SERINC5: variants seen among roughly 807,000 people sequenced by gnomAD.
The protein encoded by SERINC5 is serine incorporator 5, also known as chromosome 5 open reading frame 12.
In SERINC5, 41 loss-of-function variants were observed where a neutral mutation model predicts 63.1. The ratio of observed to expected loss-of-function variants is 0.65; its 90% CI spans 0.51 to 0.84. SERINC5 has a LOEUF of 0.84. SERINC5 is among the 40% of genes least tolerant of loss of function. SERINC5 has a pLI of 0.00. For synonymous variants in SERINC5, 222 were observed against 215.2 expected, an observed-to-expected ratio of 1.03 and a Z score of -0.28; for missense variants, 523 against 573.0, an observed-to-expected ratio of 0.91 and a Z score of 0.89.
intron 1 of SERINC5, among the ~76,000 whole-genome samples, chr5:80,240,736 C>T (rs1420392725): frequency 6.6e-6 from 1 of 152,200 alleles, no homozygotes; most frequent in Non-Finnish European, 1.5e-5. Flanking sequence ...AAGATCATGG[C>T]TCACTGCAGT....
chr5:80,171,907 GGAAA>G (rs1282086621), intron 5 of SERINC5, among the ~76,000 whole-genome samples: 1 of 151,010 alleles, frequency 6.6e-6, no homozygotes, highest in Non-Finnish European at 1.5e-5. Flanking sequence ...AAAAAAGAAA[GGAAA>G]GAAAGAAAAA....
intron 9 of SERINC5, 82 bp downstream of exon 9, chr5:80,150,800 G>A (rs1457606332): frequency 4.2e-6 from 4 of 960,496 alleles, no homozygotes; most frequent in Admixed American, 1.7e-5. Flanking sequence ...AATGCAGACT[G>A]ATAAAGACAC....
chr5:80,255,749 A>T, intron 1 of SERINC5, 147 bp downstream of exon 1: 4 of 575,960 alleles, frequency 6.9e-6, no homozygotes, highest in African/African-American at 2.0e-5. Context: ...CGGACGGCTG[A>T]GCGCCGCGGG....
intron 1 of SERINC5, among the ~76,000 whole-genome samples, chr5:80,204,377 A>C (rs908986573): frequency 1.3e-5 from 2 of 152,158 alleles, no homozygotes; most frequent in Non-Finnish European, 2.9e-5. Context: ...GAATTGAATT[A>C]AATTGTGGGA....
Position 80,173,825 on chromosome 5 carries a change from C to A in SERINC5, c.551+1129G>T, listed in dbSNP as rs188819254. 2.9e-3 allele frequency among the ~76,000 whole-genome samples: 446 copies of A among 152,172 alleles called. 3 individuals are homozygous for A. The highest frequency in any genetic ancestry group is 0.01 in the African/African-American group (431 of 41,512). Reference sequence around the variant, plus strand: ...CCTTTTCACCTTTCTGCACTTAAAACAGATTATATTCCTCCCTTTTTAAGG... The same window carrying A: ...CCTTTTCACCTTTCTGCACTTAAAAAAGATTATATTCCTCCCTTTTTAAGG... On this transcript the variant is annotated intron_variant, in intron 5 of 11. Transcript: ENST00000507668.
chr5:80,141,854 T>TG lies in SERINC5; in HGVS notation c.*1808dup, dbSNP rs1337049146. On this transcript the variant is annotated 3_prime_UTR_variant, in exon 12 of 12. Coordinates refer to ENST00000507668, the MANE Select transcript of SERINC5 (RefSeq NM_001174072.3). ...AGGCTCTCTAAACCACACACACAGA[T>TG]GGAGTGCCTTTTGAAACTGAATCTC... 1.0e-6 allele frequency: 1 copy of TG among 985,264 alleles called. No individual in the cohort carries two copies. Among genetic ancestry groups the TG allele is most frequent in the Non-Finnish European group, 1.2e-6 (1 of 829,868 alleles). The allele number at this position is 985,264 out of a possible 1,614,324, so 61.0% of individuals were successfully genotyped here.
At chr5:80,254,570 C>T (rs1353022260) in intron 1 of SERINC5, among the ~76,000 whole-genome samples, 1 of 152,166 alleles carries the variant, frequency 6.6e-6, no homozygotes, top group Admixed American at 6.6e-5. Context: ...AAAAGTGTCG[C>T]ATCATATTGG....
chr5:80,220,892 C>T (rs779150851), intron 1 of SERINC5, among the ~76,000 whole-genome samples: 3 of 151,990 alleles, frequency 2.0e-5, no homozygotes, highest in South Asian at 2.1e-4. Flanking sequence ...TTGGGAGGAG[C>T]GTGGATGTAT....
chr5:80,181,337 C>T (rs533022765), intron 2 of SERINC5, among the ~76,000 whole-genome samples: 1 of 152,112 alleles, frequency 6.6e-6, no homozygotes, highest in Non-Finnish European at 1.5e-5. Context: ...ACCGTCGCCT[C>T]CAGGGCTCAA....
At chr5:80,200,325 A>AAAT in intron 2 of SERINC5, among the ~76,000 whole-genome samples, 1 of 150,280 alleles carries the variant, frequency 6.7e-6, no homozygotes, top group Middle Eastern at 3.4e-3. Flanking sequence ...AAAAATACAA[A>AAAT]AAAAAAAAAA....
Position 80,140,858 on chromosome 5 carries a change from T to C in SERINC5, c.*2805A>G. On this transcript the variant is annotated 3_prime_UTR_variant, in exon 12 of 12. Transcript: ENST00000507668. ...GTCCTCTTCAACTGTCATCCCTAAA[T>C]GTGTCTGACCAGCAGCTTCTGGGAA... 1 of 985,412 alleles carries C rather than the reference T, an allele frequency of 1.0e-6. No homozygotes were observed. The highest frequency in any genetic ancestry group is 1.2e-6 in the Non-Finnish European group (1 of 829,936). The allele number at this position is 985,412 out of a possible 1,614,324, so 61.0% of individuals were successfully genotyped here.
At chr5:80,170,895 T>A (rs902662222) in intron 5 of SERINC5, among the ~76,000 whole-genome samples, 7 of 152,306 alleles carry the variant, frequency 4.6e-5, no homozygotes, top group African/African-American at 1.7e-4. Context: ...TAGTCCCAGC[T>A]GCTTGGGAGA....
chr5:80,127,369 GA>G (rs1293742770), intron 11 of SERINC5, among the ~76,000 whole-genome samples: 1 of 152,206 alleles, frequency 6.6e-6, no homozygotes, highest in Non-Finnish European at 1.5e-5. Context: ...TCTCTTCCAT[GA>G]AACCAGCAAT....
chr5:80,139,518 A>T lies in SERINC5; in HGVS notation c.*4145T>A. 1.0e-6 allele frequency: 1 copy of T among 985,272 alleles called. No individual in the cohort carries two copies. The highest frequency in any genetic ancestry group is 1.2e-6 in the Non-Finnish European group (1 of 829,862). 61.0% of individuals were successfully genotyped at this position (985,272 alleles called of 1,614,324 possible). On this transcript the variant is annotated 3_prime_UTR_variant, in exon 12 of 12. Transcript: ENST00000507668. ...GAAAGGATTTTGCTTAAGGAAAAAA[A>T]AAGCTCTTTGGTAAAGGCCAAATAT...
intron 1 of SERINC5, among the ~76,000 whole-genome samples, chr5:80,219,621 G>A (rs1269531408): frequency 6.6e-6 from 1 of 152,096 alleles, no homozygotes; most frequent in Non-Finnish European, 1.5e-5. Flanking sequence ...CAAAGCCCTA[G>A]ACAGCCTTTG....
At chr5:80,136,195 A>G (rs1168675843), downstream of SERINC5, among the ~76,000 whole-genome samples, 2 of 152,142 alleles carry the variant, frequency 1.3e-5, no homozygotes, top group Non-Finnish European at 2.9e-5. Context: ...GGGTGGAACA[A>G]TCACTTGAGC....
intron 2 of SERINC5, among the ~76,000 whole-genome samples, chr5:80,198,159 C>T (rs1329170785): frequency 2.6e-5 from 4 of 151,980 alleles, no homozygotes; most frequent in Non-Finnish European, 5.9e-5. Context: ...TTTTTAATCC[C>T]CCAGGTATCA....
chr5:80,145,347 C>CA lies in SERINC5; in HGVS notation c.1238+742dup, dbSNP rs200897988. Among the ~76,000 whole-genome samples, 40 of 131,686 alleles carry CA rather than the reference C, an allele frequency of 3.0e-4. No individual in the cohort carries two copies. The South Asian group carries it at 6.2e-3, about 20-fold the overall frequency. The allele number at this position is 131,686 out of a possible 152,430, so 86.4% of individuals were successfully genotyped here. A position where few individuals can be genotyped will look rare whatever the true frequency, so the allele number is the denominator to read the frequency against. ...GACAAAGCAAGACTCCAACTAAAAA[C>CA]AAAAAAAAACTACAGAGGTTTATAA... On this transcript the variant is annotated intron_variant, in intron 11 of 11. Coordinates refer to ENST00000507668, the MANE Select transcript of SERINC5 (RefSeq NM_001174072.3).
Position 80,142,962 on chromosome 5 carries a change from G to A in SERINC5, c.*701C>T, listed in dbSNP as rs1050302568. On this transcript the variant is annotated 3_prime_UTR_variant, in exon 12 of 12. Coordinates refer to ENST00000507668, the MANE Select transcript of SERINC5 (RefSeq NM_001174072.3). Reference sequence around the variant, plus strand: ...AATAAGGTGGGGAACCACCTGGGGGGTGATCAGACAAATTGTGCTTTTTCA... The same window carrying A: ...AATAAGGTGGGGAACCACCTGGGGGATGATCAGACAAATTGTGCTTTTTCA... 5.1e-6 allele frequency: 5 copies of A among 985,326 alleles called. No homozygotes were observed. The African/African-American group carries it at 8.7e-5, about 17-fold the overall frequency. The allele number at this position is 985,326 out of a possible 1,614,324, so 61.0% of individuals were successfully genotyped here.
Sources: gnomAD v4.1 joint callset for allele counts (sites outside exome capture counted in the v4.1 genomes callset) on GRCh38, gnomAD v4.1.1 for gene constraint, MANE v1.5 for transcripts, NCBI Gene and HGNC (gene_info 2026-07-23, HGNC 2026-07-21) for gene names.